NBPF10: variants seen among roughly 807,000 people sequenced by gnomAD.
NBPF10 encodes the protein NBPF member 10.
Under a neutral mutation model 77.9 loss-of-function variants are expected in NBPF10, and 63 were observed. That is an observed-to-expected ratio of 0.81 (90% confidence interval 0.66 to 1.00). The LOEUF is 1.00. NBPF10 is among the 50% of genes least tolerant of loss of function. The pLI, the probability that NBPF10 is intolerant of heterozygous loss-of-function variation, is 0.00. For missense variants in NBPF10, 522 were observed against 679.8 expected, an observed-to-expected ratio of 0.77 and a Z score of 2.58; for synonymous variants, 146 against 264.5, an observed-to-expected ratio of 0.55 and a Z score of 4.35.
exon 14 of NBPF10, chr1:146,126,240 C>T (rs782305840): frequency 1.9e-6 from 3 of 1,605,396 alleles, no homozygotes; most frequent in South Asian, 1.1e-5. Flanking sequence ...ACTCACCATC[C>T]ATGTCAATAG....
intron 14 of NBPF10, among the ~76,000 whole-genome samples, chr1:146,125,740 C>A (rs1343321697): frequency 7.4e-6 from 1 of 135,668 alleles, no homozygotes; most frequent in African/African-American, 3.1e-5. Context: ...GATCGTTATC[C>A]AAATATCATT....
chr1:146,142,091 C>T (rs587657649), intron 2 of NBPF10, among the ~76,000 whole-genome samples: 12 of 126,584 alleles, frequency 9.5e-5, no homozygotes, highest in Non-Finnish European at 2.0e-4. Context: ...AATTCCGTTT[C>T]AAAAAGACAT....
At position 146,067,328 on chromosome 1, in the gene NBPF10, T is replaced by C. The variant is rs1553778040; in HGVS notation, c.11036-40A>G. On this transcript the variant is annotated intron_variant, in intron 88 of 89. Coordinates refer to ENST00000583866, the Ensembl canonical transcript of NBPF10. ...GACATGGACAGACACATTAAGCTGA[T>C]TCCCCTACACACATAAAAATCCACT... is the stretch of plus-strand genomic sequence containing the variant. The C allele has an allele frequency of 8.4e-6, 4 of 475,442 alleles. 1 individual carries two copies. Among genetic ancestry groups the C allele is most frequent in the East Asian group, 7.2e-5 (2 of 27,740 alleles). 29.5% of individuals were successfully genotyped at this position (475,442 alleles called of 1,614,324 possible).
In NBPF10 at chr1:146,144,610, G is replaced by A. The variant is rs782818714; in HGVS notation, c.160C>T (p.Arg54Ter). The change falls in exon 1 of 90, where the codon CGA becomes TGA. Residue 54 changes from arginine (R) to a stop codon, truncating the protein, a stop_gained. Coordinates refer to ENST00000583866, the Ensembl canonical transcript of NBPF10. LOFTEE classifies it high-confidence loss of function. ...TAGATCTTACTGTATTTCTTCTGTC[G>A]GTTGGCCAGGAAGCCGGCCAGTTGA... 13 of 1,181,000 alleles carry A rather than the reference G, an allele frequency of 1.1e-5. 3 individuals carry two copies. Among genetic ancestry groups the A allele is most frequent in the Non-Finnish European group, 1.5e-5 (13 of 893,682 alleles). The allele number at this position is 1,181,000 out of a possible 1,614,324, so 73.2% of individuals were successfully genotyped here. A position where few individuals can be genotyped will look rare whatever the true frequency, so the allele number is the denominator to read the frequency against.
intron 17 of NBPF10, among the ~76,000 whole-genome samples, chr1:146,123,515 C>G (rs1553788880): frequency 9.4e-6 from 1 of 105,938 alleles, no homozygotes; most frequent in Non-Finnish European, 1.9e-5. Context: ...CACACACACA[C>G]ACACACACAC....
In NBPF10 at chr1:146,141,848, A is replaced by G. The variant is rs1465150159; in HGVS notation, c.279-30T>C. On this transcript the variant is annotated intron_variant, in intron 2 of 89. Transcript: ENST00000583866. ...GGTGAGACGGTAGAGAAAATTTAAG[A>G]GTAGAAAGGGTTGAGTGATCCGTTC... 3.2e-6 allele frequency: 4 copies of G among 1,261,940 alleles called. 1 individual carries two copies. Among genetic ancestry groups the G allele is most frequent in the Non-Finnish European group, 4.5e-6 (4 of 888,598 alleles). 78.2% of individuals were successfully genotyped at this position (1,261,940 alleles called of 1,614,324 possible).
chr1:146,069,320 C>A (rs5019143), intron 86 of NBPF10, among the ~76,000 whole-genome samples: 4 of 83,208 alleles, frequency 4.8e-5, no homozygotes, highest in African/African-American at 1.3e-4. Context: ...AGGATTAGGG[C>A]GCCACAGGCA....
At chr1:146,067,570 G>T (rs1371767130) in intron 88 of NBPF10, among the ~76,000 whole-genome samples, 85 of 149,834 alleles carry the variant, frequency 5.7e-4, no homozygotes, top group South Asian at 5.5e-3. Flanking sequence ...TCCAATCAAC[G>T]TAAAGCAAAT....
chr1:146,142,293 GCAGT>G (rs1252294893), intron 2 of NBPF10, among the ~76,000 whole-genome samples: 19 of 116,558 alleles, frequency 1.6e-4, no homozygotes, highest in Admixed American at 1.3e-3. Flanking sequence ...ATGAGAAGAC[GCAGT>G]CAGTCAGGAG....
intron 7 of NBPF10, among the ~76,000 whole-genome samples, 173 bp downstream of exon 7, chr1:146,136,180 C>T (rs77944128): frequency 0.18 from 27,593 of 150,732 alleles, 5,183 homozygotes; most frequent in African/African-American, 0.48. Context: ...AACTGCAACC[C>T]ATACATTTTT....
At chr1:146,072,233 G>T (rs1655774684) in intron 82 of NBPF10, among the ~76,000 whole-genome samples, 1 of 19,234 alleles carries the variant, frequency 5.2e-5, no homozygotes, top group Admixed American at 6.1e-4. Flanking sequence ...CTGGTAGATC[G>T]TTATCCCAAA....
chr1:146,125,893 T>C (rs71255521), intron 14 of NBPF10, among the ~76,000 whole-genome samples: 9 of 151,478 alleles, frequency 5.9e-5, no homozygotes, highest in Admixed American at 3.3e-4. Flanking sequence ...GCGAGGATTT[T>C]AGACGCTGAA....
At chr1:146,138,854 A>C (rs1659978830) in intron 5 of NBPF10, among the ~76,000 whole-genome samples, 2 of 143,412 alleles carry the variant, frequency 1.4e-5, no homozygotes, top group African/African-American at 2.5e-5. Flanking sequence ...GCACAATCTC[A>C]GCTCACTGCC....
At chr1:146,080,972 T>TGGAC (rs1656238881) in intron 71 of NBPF10, among the ~76,000 whole-genome samples, 195 bp from the exon 72 acceptor site, 1 of 20,144 alleles carries the variant, frequency 5.0e-5, no homozygotes, top group Non-Finnish European at 1.5e-4. Flanking sequence ...GAAAGACAGA[T>TGGAC]AGACACACAC....
intron 64 of NBPF10, among the ~76,000 whole-genome samples, chr1:146,086,688 C>T: frequency 1.9e-5 from 1 of 53,848 alleles, no homozygotes; most frequent in South Asian, 5.4e-4. Context: ...GTGCTGAGAG[C>T]GGGCTCAGGT....
At chr1:146,126,687 A>G (rs1488452230) in intron 13 of NBPF10, among the ~76,000 whole-genome samples, 1 of 146,210 alleles carries the variant, frequency 6.8e-6, no homozygotes. Flanking sequence ...GAGTCAAAGG[A>G]CACTCTGTAT....
At chr1:146,136,100 AT>A (rs1659674474) in intron 7 of NBPF10, among the ~76,000 whole-genome samples, 1 of 149,638 alleles carries the variant, frequency 6.7e-6, no homozygotes, top group Middle Eastern at 3.2e-3. Context: ...CCTTTGGTTA[AT>A]TTTGTGTTAT....
intron 19 of NBPF10, among the ~76,000 whole-genome samples, chr1:146,121,885 A>T (rs1658217271): frequency 1.3e-5 from 2 of 149,770 alleles, no homozygotes; most frequent in African/African-American, 2.5e-5. Flanking sequence ...AGAGACAGAG[A>T]CAGAGACAGA....
chr1:146,067,183 G>C (rs1553777859), exon 89 of NBPF10: 3 of 615,862 alleles, frequency 4.9e-6, no homozygotes, highest in African/African-American at 3.7e-5. Flanking sequence ...AAGTCACCTG[G>C]GGCATGGTGG....
Sources: allele counts gnomAD v4.1 joint callset (sites outside exome capture counted in the v4.1 genomes callset), GRCh38; gene constraint gnomAD v4.1.1; transcripts MANE v1.5; gene names NCBI Gene and HGNC (gene_info 2026-07-23, HGNC 2026-07-21).